DOCK1: variants seen among roughly 807,000 people sequenced by gnomAD.
The protein encoded by DOCK1 is dedicator of cytokinesis protein 1.
DOCK1 carries 138 observed loss-of-function variants against 262.7 expected under a neutral mutation model. The ratio of observed to expected loss-of-function variants is 0.53; its 90% CI spans 0.46 to 0.61. The LOEUF (loss-of-function observed/expected upper bound fraction) is 0.61. DOCK1 is among the 20% of genes least tolerant of loss of function. DOCK1 has a pLI of 0.00. For missense variants in DOCK1, 1,908 were observed against 2,370.7 expected (o/e 0.80, Z 4.05); for synonymous variants, 866 against 867.4 (o/e 1.00, Z 0.03).
At chr10:127,219,909 C>T (rs2058360740) in intron 27 of DOCK1, among the ~76,000 whole-genome samples, 1 of 152,130 alleles carries the variant, frequency 6.6e-6, no homozygotes. Context: ...TTAGTGTTGA[C>T]TTACACCCTG....
At chr10:127,091,691 C>T (rs775337474) in intron 23 of DOCK1, among the ~76,000 whole-genome samples, 12 of 152,202 alleles carry the variant, frequency 7.9e-5, no homozygotes, top group Non-Finnish European at 1.6e-4. Context: ...ATCTGTGTCC[C>T]TTCCCAGAGA....
chr10:127,294,788 A>C (rs1305516981), intron 29 of DOCK1, among the ~76,000 whole-genome samples: 1 of 151,934 alleles, frequency 6.6e-6, no homozygotes, highest in Non-Finnish European at 1.5e-5. Flanking sequence ...AGCTGGGACT[A>C]AAGATGCATG....
intron 27 of DOCK1, among the ~76,000 whole-genome samples, chr10:127,232,426 A>G (rs2058884083): frequency 6.6e-6 from 1 of 152,188 alleles, no homozygotes; most frequent in Admixed American, 6.5e-5. Flanking sequence ...CAACAGAGGC[A>G]GAGTCCGGGA....
intron 29 of DOCK1, among the ~76,000 whole-genome samples, chr10:127,290,276 A>G (rs2135359171): frequency 6.6e-6 from 1 of 151,830 alleles, no homozygotes; most frequent in Non-Finnish European, 1.5e-5. Context: ...CTTACTCCAG[A>G]TAGTGTTTAT....
At chr10:126,980,417 AGCTCCTAG>A (rs1565026818) in intron 3 of DOCK1, among the ~76,000 whole-genome samples, 2 of 152,002 alleles carry the variant, frequency 1.3e-5, no homozygotes, top group Non-Finnish European at 2.9e-5. Context: ...GCTGTTGGTG[AGCTCCTAG>A]GCTCCTAGGC....
At chr10:127,105,991 C>T (rs1292848568) in intron 23 of DOCK1, among the ~76,000 whole-genome samples, 2 of 152,148 alleles carry the variant, frequency 1.3e-5, no homozygotes, top group African/African-American at 2.4e-5. Context: ...TCTCGAACTC[C>T]TGAGCTGAAG....
intron 31 of DOCK1, among the ~76,000 whole-genome samples, chr10:127,349,760 G>C (rs900510356): frequency 6.6e-6 from 1 of 152,122 alleles, no homozygotes. Flanking sequence ...CCTGGCTTCC[G>C]GTGGCTGCCC....
chr10:127,087,552 C>T (rs2047269934), intron 23 of DOCK1, among the ~76,000 whole-genome samples: 1 of 151,986 alleles, frequency 6.6e-6, no homozygotes, highest in South Asian at 2.1e-4. Context: ...AAACAGTCAG[C>T]GGCTAACCTG....
intron 2 of DOCK1, 27 bp downstream of exon 2, chr10:126,970,812 T>G: frequency 6.2e-7 from 1 of 1,605,668 alleles, no homozygotes; most frequent in Non-Finnish European, 8.5e-7. Flanking sequence ...GTATCTTTTC[T>G]CTTACATTTT....
At chr10:127,003,185 CAT>C (rs927094877) in intron 10 of DOCK1, among the ~76,000 whole-genome samples, 2 of 151,214 alleles carry the variant, frequency 1.3e-5, no homozygotes, top group Admixed American at 6.6e-5. Context: ...CCTCTAAGAA[CAT>C]GTGTGAACCT....
chr10:126,974,439 G>T (rs968952662), intron 2 of DOCK1, among the ~76,000 whole-genome samples: 2 of 152,126 alleles, frequency 1.3e-5, no homozygotes, highest in Non-Finnish European at 2.9e-5. Flanking sequence ...CCGAGTTTGG[G>T]ACCTGTGTCT....
At chr10:127,313,376 C>T (rs886481648) in intron 29 of DOCK1, among the ~76,000 whole-genome samples, 1 of 152,140 alleles carries the variant, frequency 6.6e-6, no homozygotes, top group African/African-American at 2.4e-5. Flanking sequence ...GGTAAATGGA[C>T]AATAGATATC....
At chr10:126,962,676 G>T (rs2037321914) in intron 1 of DOCK1, among the ~76,000 whole-genome samples, 1 of 152,136 alleles carries the variant, frequency 6.6e-6, no homozygotes, top group South Asian at 2.1e-4. Flanking sequence ...CCTTCTGTAG[G>T]TTGCCTTTTC....
At chr10:127,129,750 T>C (rs1416981714) in intron 27 of DOCK1, among the ~76,000 whole-genome samples, 1 of 152,192 alleles carries the variant, frequency 6.6e-6, no homozygotes, top group Non-Finnish European at 1.5e-5. Context: ...AGTGTGGTTC[T>C]GCCAAGACCC....
At chr10:127,194,133 T>A (rs1434148891) in intron 27 of DOCK1, among the ~76,000 whole-genome samples, 2 of 152,214 alleles carry the variant, frequency 1.3e-5, no homozygotes, top group African/African-American at 4.8e-5. Context: ...ACTGAATTGT[T>A]TAGTCTTTTA....
At chr10:126,938,986 G>A (rs1481616849) in intron 1 of DOCK1, among the ~76,000 whole-genome samples, 13 of 121,860 alleles carry the variant, frequency 1.1e-4, no homozygotes, top group African/African-American at 3.7e-4. Flanking sequence ...CGGGGGGGAT[G>A]AGCACCGGAG....
intron 16 of DOCK1, among the ~76,000 whole-genome samples, chr10:127,027,268 C>T (rs1015143992): frequency 2.0e-5 from 3 of 152,240 alleles, no homozygotes; most frequent in African/African-American, 7.2e-5. Flanking sequence ...GGAGCTTAAG[C>T]ATGAGCCTCT....
At chr10:127,311,670 G>A (rs1338146836) in intron 29 of DOCK1, among the ~76,000 whole-genome samples, 4 of 151,970 alleles carry the variant, frequency 2.6e-5, no homozygotes, top group South Asian at 2.1e-4. Flanking sequence ...TCGTCCTTTC[G>A]TCCTTTACAT....
Position 127,409,119 on chromosome 10 carries a change from C to T in DOCK1, c.4205C>T (p.Ala1402Val). The T allele has an allele frequency of 6.2e-7, 1 of 1,610,508 alleles. No individual in the cohort carries two copies. The highest frequency in any genetic ancestry group is 8.5e-7 in the Non-Finnish European group (1 of 1,178,284). Residue 1402 changes from alanine to valine, a missense_variant, in exon 41 of 52, where the codon GCC (alanine) becomes GTC (valine). Transcript: ENST00000623213. Reference sequence around the variant, plus strand: ...CGGCTCTTAACTCAGTTTCCAAACGCCGAGAAAATGAAGACAACATCTCCA... The same window carrying T: ...CGGCTCTTAACTCAGTTTCCAAACGTCGAGAAAATGAAGACAACATCTCCA... Reference protein sequence around the residue: ...EARLLTQFPNAEKMKTTSPPG... With the variant: ...EARLLTQFPNVEKMKTTSPPG...
Sources: gnomAD v4.1 joint callset for allele counts (sites outside exome capture counted in the v4.1 genomes callset) on GRCh38, gnomAD v4.1.1 for gene constraint, MANE v1.5 for transcripts, NCBI Gene and HGNC (gene_info 2026-07-23, HGNC 2026-07-21) for gene names.